Variants in PSD3 observed in about 807,000 individuals in gnomAD.
PSD3 encodes pleckstrin and Sec7 domain containing 3.
A neutral mutation model predicts 105.5 loss-of-function variants in PSD3; 49 were observed. The observed-to-expected ratio is 0.46, with a 90% CI of 0.37 to 0.59. The LOEUF is 0.59. Among genes scored for constraint, PSD3 ranks in the 20% least tolerant of loss-of-function variants. PSD3 has a pLI of 0.00. For synonymous variants in PSD3, 557 were observed against 457.8 expected (o/e 1.22, Z -2.77); for missense variants, 1,561 against 1,263.8 (o/e 1.24, Z -3.57).
intron 9 of PSD3, among the ~76,000 whole-genome samples, chr8:18,682,216 C>T (rs888904474): frequency 6.6e-6 from 1 of 152,174 alleles, no homozygotes; most frequent in African/African-American, 2.4e-5. Flanking sequence ...AGTAGGACTA[C>T]AACAGAGTTA....
At chr8:18,683,905 C>A in intron 9 of PSD3, 4 of 765,150 alleles carry the variant, frequency 5.2e-6, no homozygotes, top group Non-Finnish European at 9.6e-6. Context: ...ACCTTGCTGG[C>A]ACTCTGGACA....
chr8:18,788,795 G>C (rs578003056), intron 8 of PSD3, among the ~76,000 whole-genome samples: 1 of 152,230 alleles, frequency 6.6e-6, no homozygotes, highest in East Asian at 1.9e-4. Flanking sequence ...CTACTGATTT[G>C]GTAATTACTT....
chr8:19,044,467 G>A (rs1828244483), intron 1 of PSD3, among the ~76,000 whole-genome samples: 1 of 152,158 alleles, frequency 6.6e-6, no homozygotes, highest in African/African-American at 2.4e-5. Flanking sequence ...TGACTAATCT[G>A]TAAATGTGTT....
chr8:18,612,788 T>G lies in PSD3; in HGVS notation c.2411-12354A>C, dbSNP rs149668707. On this transcript the variant is annotated intron_variant, in intron 11 of 15. Coordinates refer to ENST00000327040, the MANE Select transcript of PSD3 (RefSeq NM_015310.4). ...ATTGTTTTCATTTTGTCCCAAGTCC[T>G]GTATTGACATTGGAGATATCAAACA... Among the ~76,000 whole-genome samples, 1,315 of 152,354 alleles carry G rather than the reference T, an allele frequency of 8.6e-3. 17 individuals carry two copies. The highest frequency in any genetic ancestry group is 0.03 in the African/African-American group (1,262 of 41,574).
At chr8:18,603,274 A>G (rs1563367740) in intron 11 of PSD3, among the ~76,000 whole-genome samples, 1 of 152,058 alleles carries the variant, frequency 6.6e-6, no homozygotes, top group Non-Finnish European at 1.5e-5. Context: ...CTCTAACCTT[A>G]CTTTGGCTTT....
chr8:18,795,594 T>C (rs1424743606), intron 8 of PSD3, among the ~76,000 whole-genome samples: 2 of 152,224 alleles, frequency 1.3e-5, no homozygotes, highest in Non-Finnish European at 2.9e-5. Flanking sequence ...GCCAGCTGAC[T>C]ATGCTCTGAT....
intron 9 of PSD3, among the ~76,000 whole-genome samples, chr8:18,765,035 A>T (rs1170410136): frequency 1.3e-5 from 2 of 152,244 alleles, no homozygotes; most frequent in African/African-American, 4.8e-5. Flanking sequence ...CTATTTCCAG[A>T]GACAACATGA....
At chr8:18,995,752 T>G (rs1405912749) in intron 1 of PSD3, among the ~76,000 whole-genome samples, 3 of 151,946 alleles carry the variant, frequency 2.0e-5, no homozygotes, top group Admixed American at 2.0e-4. Context: ...CAAGAGAGCA[T>G]GTGCAGGGGA....
At chr8:18,950,925 G>A (rs12545725) in intron 1 of PSD3, among the ~76,000 whole-genome samples, 59,520 of 151,802 alleles carry the variant, frequency 0.39, 11,859 homozygotes, top group Non-Finnish European at 0.41. Flanking sequence ...CTCTAGGGCC[G>A]AGCTGCAATG....
At chr8:18,800,291 G>A (rs577998028) in intron 7 of PSD3, among the ~76,000 whole-genome samples, 2 of 152,288 alleles carry the variant, frequency 1.3e-5, no homozygotes, top group East Asian at 3.9e-4. Context: ...AATGGTGACA[G>A]AGATAGTGAA....
At chr8:19,078,173 G>C (rs1488458987) in intron 1 of PSD3, among the ~76,000 whole-genome samples, 1 of 152,026 alleles carries the variant, frequency 6.6e-6, no homozygotes, top group African/African-American at 2.4e-5. Context: ...TGGGATTACA[G>C]GCATGAGTCA....
At chr8:18,727,119 T>C (rs1407068628) in intron 9 of PSD3, among the ~76,000 whole-genome samples, 2 of 151,966 alleles carry the variant, frequency 1.3e-5, no homozygotes, top group African/African-American at 2.4e-5. Context: ...GGGTGAACCA[T>C]GAGGACAGGT....
chr8:19,035,090 A>T (rs963103713), intron 1 of PSD3, among the ~76,000 whole-genome samples: 5 of 152,220 alleles, frequency 3.3e-5, no homozygotes, highest in Admixed American at 3.3e-4. Flanking sequence ...GTAAAGGAAA[A>T]TCTTTTCTGA....
intron 1 of PSD3, among the ~76,000 whole-genome samples, chr8:19,067,298 T>C (rs1829106093): frequency 6.6e-6 from 1 of 152,194 alleles, no homozygotes; most frequent in Non-Finnish European, 1.5e-5. Context: ...TGTTCATATC[T>C]ATCATTCCAG....
At chr8:19,046,319 C>A (rs551370662) in intron 1 of PSD3, among the ~76,000 whole-genome samples, 1 of 152,210 alleles carries the variant, frequency 6.6e-6, no homozygotes, top group Admixed American at 6.5e-5. Flanking sequence ...ACCATATTGG[C>A]CAGGATAGTC....
chr8:19,082,466 C>A (rs1041064050), intron 1 of PSD3, among the ~76,000 whole-genome samples: 1 of 152,210 alleles, frequency 6.6e-6, no homozygotes, highest in Non-Finnish European at 1.5e-5. Context: ...CCTCAGAGAG[C>A]TCTGGCGGGT....
Position 18,538,605 on chromosome 8 carries a change from A to G in PSD3, c.2929-2647T>C, listed in dbSNP as rs182939720. On this transcript the variant is annotated intron_variant, in intron 15 of 15. Transcript: ENST00000327040. ...CAGCGTAAGGCATACGATTTCATGA[A>G]GCTGGAGCGTTGACACAATGAAAAG... Among the ~76,000 whole-genome samples the G allele has an allele frequency of 1.7e-4, 26 of 152,352 alleles. No homozygotes were observed. In the East Asian group the frequency reaches 4.8e-3, roughly 28 times the overall value.
intron 8 of PSD3, among the ~76,000 whole-genome samples, chr8:18,795,574 T>G (rs1810102701): frequency 6.6e-6 from 1 of 152,234 alleles, no homozygotes; most frequent in Non-Finnish European, 1.5e-5. Flanking sequence ...ACTTTCTAGT[T>G]GTGGAACTGG....
chr8:18,890,955 C>T (rs1358357218), intron 2 of PSD3, among the ~76,000 whole-genome samples: 4 of 152,160 alleles, frequency 2.6e-5, no homozygotes, highest in Non-Finnish European at 5.9e-5. Flanking sequence ...CTAAGAAACT[C>T]TCTACCAGTT....
Sources: allele counts gnomAD v4.1 joint callset (sites outside exome capture counted in the v4.1 genomes callset), GRCh38; gene constraint gnomAD v4.1.1; transcripts MANE v1.5; gene names NCBI Gene and HGNC (gene_info 2026-07-23, HGNC 2026-07-21).